The following FMNL2 variants were observed in gnomAD, a reference collection of about 807,000 sequenced individuals.
The protein encoded by FMNL2 is formin like 2.
In FMNL2, 51 loss-of-function variants were observed where a neutral mutation model predicts 130.2. The observed-to-expected ratio is 0.39, with a 90% CI of 0.31 to 0.49. FMNL2 has a LOEUF of 0.49. Among genes scored for constraint, FMNL2 ranks in the 20% least tolerant of loss-of-function variants. FMNL2 has a pLI of 0.85. For missense variants in FMNL2, 977 were observed against 1,316.2 expected (o/e 0.74, Z 3.99); for synonymous variants, 465 against 467.1 (o/e 1.00, Z 0.06).
chr2:152,467,722 C>T (rs542627753), intron 1 of FMNL2, among the ~76,000 whole-genome samples: 1 of 152,328 alleles, frequency 6.6e-6, no homozygotes, highest in East Asian at 1.9e-4. Flanking sequence ...ATGTACACAG[C>T]ATATGCATGT....
chr2:152,553,387 T>C (rs1359935640), intron 4 of FMNL2, among the ~76,000 whole-genome samples: 2 of 152,186 alleles, frequency 1.3e-5, no homozygotes, highest in Admixed American at 6.5e-5. Context: ...AAAAATCTTA[T>C]TGACCATTAG....
At chr2:152,450,103 G>A (rs1328082277) in intron 1 of FMNL2, among the ~76,000 whole-genome samples, 1 of 152,032 alleles carries the variant, frequency 6.6e-6, no homozygotes, top group Admixed American at 6.6e-5. Context: ...ATCACTGAGA[G>A]CTTGGGGAAT....
At chr2:152,534,713 G>A (rs1452451748) in intron 2 of FMNL2, among the ~76,000 whole-genome samples, 2 of 151,894 alleles carry the variant, frequency 1.3e-5, no homozygotes, top group African/African-American at 4.8e-5. Context: ...CTAAGTAAGA[G>A]GAGTAGGATT....
intron 1 of FMNL2, among the ~76,000 whole-genome samples, chr2:152,412,434 C>A (rs1001133361): frequency 7.7e-6 from 1 of 129,742 alleles, no homozygotes; most frequent in Non-Finnish European, 1.6e-5. Context: ...CTCTTACTTT[C>A]TTCTGTATAT....
intron 1 of FMNL2, among the ~76,000 whole-genome samples, chr2:152,356,279 C>A (rs539169352): frequency 6.6e-6 from 1 of 152,130 alleles, no homozygotes; most frequent in Non-Finnish European, 1.5e-5. Context: ...TGCGCCACCA[C>A]GCCTGGCTAA....
At chr2:152,558,945 G>T in intron 5 of FMNL2, 122 bp downstream of exon 5, 1 of 836,306 alleles carries the variant, frequency 1.2e-6, no homozygotes, top group Non-Finnish European at 1.8e-6. Flanking sequence ...TAGGGCTTAG[G>T]GAGGTTTGTT....
intron 1 of FMNL2, among the ~76,000 whole-genome samples, chr2:152,392,351 T>A (rs1191879447): frequency 6.6e-6 from 1 of 152,168 alleles, no homozygotes; most frequent in Non-Finnish European, 1.5e-5. Context: ...ATTTTTCATC[T>A]TTTCTGTGGG....
In FMNL2 at chr2:152,358,719, G is replaced by A. The variant is rs1579471364; in HGVS notation, c.117+22999G>A. Among the ~76,000 whole-genome samples the A allele has an allele frequency of 2.0e-5, 3 of 152,154 alleles. No individual in the cohort carries two copies. The South Asian group carries it at 6.2e-4, about 32-fold the overall frequency. Reference sequence around the variant, plus strand: ...TTCTGTTCCTTTAGAGAACCCTGATGAATACAATAACTACTGCAAATAATG... The same window carrying A: ...TTCTGTTCCTTTAGAGAACCCTGATAAATACAATAACTACTGCAAATAATG... On this transcript the variant is annotated intron_variant, in intron 1 of 25. Coordinates refer to ENST00000288670, the MANE Select transcript of FMNL2 (RefSeq NM_052905.4).
At chr2:152,523,688 C>T (rs1218455410) in intron 2 of FMNL2, among the ~76,000 whole-genome samples, 1 of 152,198 alleles carries the variant, frequency 6.6e-6, no homozygotes. Flanking sequence ...TAAATGCTTT[C>T]TCATGACTTG....
intron 24 of FMNL2, 79 bp from the exon 25 acceptor site, chr2:152,640,712 A>C: frequency 6.5e-7 from 1 of 1,532,872 alleles, no homozygotes; most frequent in Non-Finnish European, 8.8e-7. Flanking sequence ...TAGTAACATA[A>C]TGCTCAGGCA....
intron 1 of FMNL2, among the ~76,000 whole-genome samples, chr2:152,374,674 A>G (rs368295242): frequency 6.6e-6 from 1 of 152,164 alleles, no homozygotes; most frequent in South Asian, 2.1e-4. Context: ...TTTACAAATG[A>G]TTTTCTGTGG....
At chr2:152,400,444 C>CA (rs63053361) in intron 1 of FMNL2, among the ~76,000 whole-genome samples, 22 of 150,698 alleles carry the variant, frequency 1.5e-4, no homozygotes, top group African/African-American at 4.1e-4. Context: ...CTCAAAAAAA[C>CA]AAAAAAAATA....
chr2:152,579,367 T>C (rs1696649008), intron 8 of FMNL2, among the ~76,000 whole-genome samples: 1 of 152,218 alleles, frequency 6.6e-6, no homozygotes, highest in African/African-American at 2.4e-5. Flanking sequence ...TTGATAACTT[T>C]ACATATGTAG....
At chr2:152,491,835 C>CA (rs1691218240) in intron 1 of FMNL2, among the ~76,000 whole-genome samples, 1 of 152,042 alleles carries the variant, frequency 6.6e-6, no homozygotes, top group South Asian at 2.1e-4. Flanking sequence ...CCTGGAATCC[C>CA]AGCTACTCGG....
intron 10 of FMNL2, among the ~76,000 whole-genome samples, chr2:152,608,934 C>T (rs185077753): frequency 4.7e-4 from 71 of 151,286 alleles, no homozygotes; most frequent in Non-Finnish European, 8.1e-4. Context: ...GAACACTAGG[C>T]CCCTGTTCCT....
At chr2:152,613,829 G>A (rs2105875216) in intron 11 of FMNL2, among the ~76,000 whole-genome samples, 1 of 152,290 alleles carries the variant, frequency 6.6e-6, no homozygotes, top group Non-Finnish European at 1.5e-5. Flanking sequence ...CTGTTCCCCA[G>A]GGAAAGTCAT....
intron 1 of FMNL2, among the ~76,000 whole-genome samples, chr2:152,462,907 G>A (rs1257380459): frequency 6.6e-6 from 1 of 152,152 alleles, no homozygotes; most frequent in Non-Finnish European, 1.5e-5. Flanking sequence ...TAGAGCCCTT[G>A]TGCTTGGATT....
At chr2:152,408,023 C>T (rs542360762) in intron 1 of FMNL2, among the ~76,000 whole-genome samples, 1 of 152,264 alleles carries the variant, frequency 6.6e-6, no homozygotes, top group East Asian at 1.9e-4. Flanking sequence ...AAAAGTCACT[C>T]TGCCTTCTGA....
chr2:152,446,649 G>T (rs1688352602), intron 1 of FMNL2, among the ~76,000 whole-genome samples: 1 of 152,182 alleles, frequency 6.6e-6, no homozygotes, highest in South Asian at 2.1e-4. Context: ...ACTGGATAAA[G>T]AATGTAATGG....
Sources: gnomAD v4.1 joint callset for allele counts (sites outside exome capture counted in the v4.1 genomes callset) on GRCh38, gnomAD v4.1.1 for gene constraint, MANE v1.5 for transcripts, NCBI Gene and HGNC (gene_info 2026-07-23, HGNC 2026-07-21) for gene names.